Variants in RBM6 observed in about 807,000 individuals in gnomAD.
RBM6 encodes RNA binding motif protein 6.
Under a neutral mutation model 140.4 loss-of-function variants are expected in RBM6, and 23 were observed. The ratio of observed to expected loss-of-function variants is 0.16; its 90% CI spans 0.12 to 0.23. RBM6 has a LOEUF of 0.23. RBM6 is among the 10% of genes least tolerant of loss of function. RBM6 has a pLI of 1.00. For synonymous variants in RBM6, 439 were observed against 475.6 expected, an observed-to-expected ratio of 0.92 and a Z score of 1.00; for missense variants, 1,139 against 1,386.7, an observed-to-expected ratio of 0.82 and a Z score of 2.84.
At position 50,057,723 on chromosome 3, in the gene RBM6, A is replaced by G. The variant is rs2089769338; in HGVS notation, c.1694-5A>G. 1.9e-6 allele frequency: 3 copies of G among 1,597,924 alleles called. No homozygotes were observed. Among genetic ancestry groups the G allele is most frequent in the Non-Finnish European group, 1.7e-6 (2 of 1,175,180 alleles). On this transcript the variant is annotated splice_region_variant and splice_polypyrimidine_tract_variant and intron_variant, in intron 8 of 20. Coordinates refer to ENST00000266022, the MANE Select transcript of RBM6 (RefSeq NM_005777.3). ...TAGAGATTCTCTTTGTTTCTGTTCC[A>G]CTAGTGACAGAGGCCAAGCAAGAAT...
chr3:50,036,499 C>A (rs1381545336), intron 6 of RBM6, among the ~76,000 whole-genome samples: 1 of 152,010 alleles, frequency 6.6e-6, no homozygotes, highest in East Asian at 1.9e-4. Flanking sequence ...GAATCATTCC[C>A]TCACTCTATA....
intron 1 of RBM6, among the ~76,000 whole-genome samples, chr3:49,942,812 G>GCT: frequency 6.6e-6 from 1 of 152,094 alleles, no homozygotes; most frequent in East Asian, 1.9e-4. Flanking sequence ...AGTGAGCTGA[G>GCT]GTCATGCCAT....
chr3:50,071,667 T>G (rs542947963), intron 19 of RBM6, among the ~76,000 whole-genome samples: 1 of 152,138 alleles, frequency 6.6e-6, no homozygotes, highest in South Asian at 2.1e-4. Context: ...GGAGTGTGGC[T>G]TAGAGAGAGG....
At chr3:49,965,596 G>T (rs2084473412) in intron 2 of RBM6, among the ~76,000 whole-genome samples, 1 of 152,096 alleles carries the variant, frequency 6.6e-6, no homozygotes, top group South Asian at 2.1e-4. Flanking sequence ...CGTGAACCCG[G>T]GAGGCGGAGC....
rs190475665 is a variant in RBM6, at chr3:49,971,872, C to T, written c.1324-187C>T. Among the ~76,000 whole-genome samples the T allele has an allele frequency of 1.4e-3, 215 of 152,268 alleles. 2 individuals are homozygous for T. The highest frequency in any genetic ancestry group is 1.5e-3 in the Non-Finnish European group (105 of 68,026). ...CTCTTTCAGTGAGACTTGGTCTTAG[C>T]ACATTTACATTCTTATGATTTGAAG... On this transcript the variant is annotated intron_variant, in intron 3 of 20. Coordinates refer to ENST00000266022, the MANE Select transcript of RBM6 (RefSeq NM_005777.3).
At position 49,967,224 on chromosome 3, in the gene RBM6, A is replaced by G; in HGVS notation, c.45-246A>G. On this transcript the variant is annotated intron_variant, in intron 2 of 20. Transcript: ENST00000266022. This position sits in a 1 kb window ranked among gnomAD's most constrained non-coding sequence, Gnocchi z 4.0. Reference sequence around the variant, plus strand: ...ACTGGGTGAAAGCTTTTTCTGCAGCAGTCATGTTGAAAACCTTGTGTTGAC... The same window carrying G: ...ACTGGGTGAAAGCTTTTTCTGCAGCGGTCATGTTGAAAACCTTGTGTTGAC... 7.9e-7 allele frequency: 1 copy of G among 1,259,138 alleles called. No individual in the cohort carries two copies. The highest frequency in any genetic ancestry group is 1.0e-6 in the Non-Finnish European group (1 of 1,001,148). The allele number at this position is 1,259,138 out of a possible 1,614,324, so 78.0% of individuals were successfully genotyped here.
intron 6 of RBM6, among the ~76,000 whole-genome samples, chr3:50,026,140 A>G (rs1182385142): frequency 2.0e-5 from 3 of 151,316 alleles, no homozygotes; most frequent in African/African-American, 7.3e-5. Context: ...GCTGGAGTGC[A>G]GTGGCACGAT....
rs370507974 is a variant in RBM6 at position 49,962,658 on chromosome 3, G to T, written c.17G>T (p.Arg6Leu). The T allele has an allele frequency of 6.3e-7, 1 of 1,579,904 alleles. No homozygotes were observed. The highest frequency in any genetic ancestry group is 8.6e-7 in the Non-Finnish European group (1 of 1,168,976). MWGDS[R>L]PANRTGPFRG... The stretch of plus-strand genomic sequence containing the variant: ...TAAAAAGAGATGTGGGGGGATTCTC[G>T]ACCTGCTAACAGAACTGGACCTTTT... The change falls in exon 2 of 21, where the codon CGA becomes CTA. Residue 6 changes from arginine (R) to leucine (L), a missense_variant. Arg to Leu is a moderately radical substitution (Grantham distance 102, BLOSUM62 -2). Coordinates refer to ENST00000266022, the MANE Select transcript of RBM6 (RefSeq NM_005777.3).
intron 6 of RBM6, among the ~76,000 whole-genome samples, chr3:50,006,531 A>G (rs1357904495): frequency 6.6e-6 from 1 of 152,196 alleles, no homozygotes; most frequent in Non-Finnish European, 1.5e-5. Context: ...TTTCGGCTCC[A>G]TCACTTTCTA....
rs1168351589 is a variant in RBM6 at position 50,021,889 on chromosome 3, CT to C, written c.1557+22379del. Among the ~76,000 whole-genome samples the C allele has an allele frequency of 6.6e-5, 10 of 150,532 alleles. No homozygotes were observed. The East Asian group carries it at 2.0e-3, about 30-fold the overall frequency. On this transcript the variant is annotated intron_variant, in intron 6 of 20. Coordinates refer to ENST00000266022, the MANE Select transcript of RBM6 (RefSeq NM_005777.3). ...CCTGCCTAGCCGGGTGAGATTTCCT[CT>C]TTAGCTTGTGTGTTATTTAGAAGCA... is the stretch of plus-strand genomic sequence containing the variant.
At chr3:50,021,740 CTTTTTTTTTTTTTTTTT>C (rs542734328) in intron 6 of RBM6, among the ~76,000 whole-genome samples, 4 of 42,732 alleles carry the variant, frequency 9.4e-5, no homozygotes, top group African/African-American at 3.5e-4. Flanking sequence ...AATTTAAGTG[CTTTTTTTTTTTTTTTTT>C]TTTTTTTTTT....
intron 6 of RBM6, among the ~76,000 whole-genome samples, chr3:50,029,854 C>T (rs539058751): frequency 1.9e-4 from 29 of 151,616 alleles, no homozygotes; most frequent in Admixed American, 9.2e-4. Context: ...AAAACCTCAT[C>T]GCTATAAAAA....
intron 7 of RBM6, among the ~76,000 whole-genome samples, chr3:50,051,138 G>A (rs1429055636): frequency 2.0e-5 from 3 of 152,002 alleles, no homozygotes; most frequent in African/African-American, 7.2e-5. Flanking sequence ...CCAGGAGTTC[G>A]AGACCAGCCT....
chr3:49,972,383 C>T (rs561461256), intron 4 of RBM6, among the ~76,000 whole-genome samples: 24 of 152,234 alleles, frequency 1.6e-4, no homozygotes, highest in African/African-American at 5.5e-4. Context: ...ACCATTTATA[C>T]ATGCACTCAC....
At chr3:49,983,870 G>T (rs535474221) in intron 5 of RBM6, among the ~76,000 whole-genome samples, 2 of 152,306 alleles carry the variant, frequency 1.3e-5, no homozygotes, top group South Asian at 4.1e-4. Flanking sequence ...GGACGCTTTG[G>T]CTGGCCTAGG....
chr3:50,063,188 C>T (rs987413378), intron 15 of RBM6, among the ~76,000 whole-genome samples: 10 of 152,064 alleles, frequency 6.6e-5, no homozygotes, highest in African/African-American at 1.4e-4. Context: ...CCACCTTGCT[C>T]GCCTCTTTCT....
chr3:49,999,340 G>A, intron 5 of RBM6, 100 bp from the exon 6 acceptor site: 1 of 966,018 alleles, frequency 1.0e-6, no homozygotes, highest in Non-Finnish European at 1.7e-6. Flanking sequence ...AGTTGGGAGG[G>A]CTTGTGTTTA....
At chr3:50,012,113 A>C (rs2086876957) in intron 6 of RBM6, among the ~76,000 whole-genome samples, 1 of 152,178 alleles carries the variant, frequency 6.6e-6, no homozygotes, top group African/African-American at 2.4e-5. Flanking sequence ...CACCTTCCCA[A>C]AGTGCTGGGA....
At chr3:49,995,853 GA>G (rs776026812) in intron 5 of RBM6, among the ~76,000 whole-genome samples, 17 of 152,112 alleles carry the variant, frequency 1.1e-4, no homozygotes, top group Non-Finnish European at 2.4e-4. Flanking sequence ...TCTTTGGGTA[GA>G]ATATCTTCTG....
Sources: allele counts gnomAD v4.1 joint callset (sites outside exome capture counted in the v4.1 genomes callset), GRCh38; gene constraint gnomAD v4.1.1; non-coding constraint Gnocchi (gnomAD v3.1); transcripts MANE v1.5; gene names NCBI Gene and HGNC (gene_info 2026-07-23, HGNC 2026-07-21).